The following BMERB1 variants were observed in gnomAD, a reference collection of about 807,000 sequenced individuals.
BMERB1 encodes the protein bMERB domain containing 1, also known as bMERB domain-containing protein 1.
Under a neutral mutation model 23.6 loss-of-function variants are expected in BMERB1, and 12 were observed. That is an observed-to-expected ratio of 0.51 (90% confidence interval 0.33 to 0.82). The LOEUF (loss-of-function observed/expected upper bound fraction) is 0.82, where lower values mean the gene tolerates loss of function less well. Ranked by LOEUF, BMERB1 falls within the 40% of genes least tolerant of loss-of-function variation. The pLI is 0.03. For missense variants in BMERB1, 247 were observed against 255.4 expected (o/e 0.97, Z 0.22); for synonymous variants, 122 against 96.6 (o/e 1.26, Z -1.54).
rs575509836 is a variant in BMERB1 at position 15,518,664 on chromosome 16, T to G, written c.230+3236T>G. Among the ~76,000 whole-genome samples the G allele has an allele frequency of 2.0e-5, 3 of 152,304 alleles. No individual in the cohort carries two copies. In the South Asian group the frequency reaches 6.2e-4, roughly 32 times the overall value. On this transcript the variant is annotated intron_variant, in intron 2 of 5. Transcript: ENST00000300006. Reference sequence around the variant, plus strand: ...TTATCCTGTGAGTGTGTCCTGTTCTTATCTCCATTTTGGATGGGAAGTAAT... The same window carrying G: ...TTATCCTGTGAGTGTGTCCTGTTCTGATCTCCATTTTGGATGGGAAGTAAT...
At chr16:15,450,804 A>G (rs2051035304) in intron 1 of BMERB1, among the ~76,000 whole-genome samples, 1 of 152,092 alleles carries the variant, frequency 6.6e-6, no homozygotes, top group South Asian at 2.1e-4. Flanking sequence ...GGGAGGAGAA[A>G]GTTCTGGCTG....
At chr16:15,453,288 C>A (rs770112864) in intron 1 of BMERB1, among the ~76,000 whole-genome samples, 1 of 152,112 alleles carries the variant, frequency 6.6e-6, no homozygotes, top group African/African-American at 2.4e-5. Flanking sequence ...TAAAAGAGGG[C>A]AAATGTCATT....
Position 15,549,973 on chromosome 16 carries a change from G to T in BMERB1, c.231-18010G>T, listed in dbSNP as rs1205524101. Among the ~76,000 whole-genome samples the T allele has an allele frequency of 4.7e-5, 7 of 148,798 alleles. No individual in the cohort carries two copies. The South Asian group carries it at 1.5e-3, about 32-fold the overall frequency. ...AAAAGCACGTTTTTTTTTTTGAGAT[G>T]CAGTCTTGCTCTGTCGCCCAGGCTG... On this transcript the variant is annotated intron_variant, in intron 2 of 5. Transcript: ENST00000300006.
chr16:15,457,046 G>A (rs541877206), intron 1 of BMERB1, among the ~76,000 whole-genome samples: 1 of 152,098 alleles, frequency 6.6e-6, no homozygotes, highest in Non-Finnish European at 1.5e-5. Context: ...GGCTGGTTTC[G>A]AACTCCTGAC....
intron 2 of BMERB1, among the ~76,000 whole-genome samples, chr16:15,532,438 C>T (rs1043939037): frequency 8.6e-5 from 13 of 151,890 alleles, no homozygotes; most frequent in Admixed American, 4.6e-4. Flanking sequence ...CCATATTGGC[C>T]GGGCTGGTCT....
intron 1 of BMERB1, among the ~76,000 whole-genome samples, chr16:15,442,333 A>G (rs1214019188): frequency 7.0e-6 from 1 of 143,464 alleles, no homozygotes; most frequent in East Asian, 2.0e-4. Flanking sequence ...CTGTCTCAAG[A>G]AAAAAAAAAA....
intron 3 of BMERB1, among the ~76,000 whole-genome samples, chr16:15,571,692 A>C (rs1343810000): frequency 1.3e-5 from 2 of 152,060 alleles, no homozygotes; most frequent in African/African-American, 4.8e-5. Flanking sequence ...AGATAGCTGC[A>C]AGATAGAAAG....
chr16:15,494,627 G>A (rs1372456208), intron 1 of BMERB1, among the ~76,000 whole-genome samples: 2 of 152,090 alleles, frequency 1.3e-5, no homozygotes, highest in African/African-American at 4.8e-5. Flanking sequence ...GCCTTAGACG[G>A]AGTTTGCTTT....
chr16:15,523,658 G>C (rs1399605561), intron 2 of BMERB1, among the ~76,000 whole-genome samples: 1 of 152,064 alleles, frequency 6.6e-6, no homozygotes, highest in Non-Finnish European at 1.5e-5. Flanking sequence ...TTTCAGCCTC[G>C]GCTTCCCCAT....
intron 1 of BMERB1, among the ~76,000 whole-genome samples, chr16:15,451,548 A>AT (rs2051041164): frequency 2.7e-5 from 3 of 109,736 alleles, no homozygotes; most frequent in Admixed American, 2.0e-4. Flanking sequence ...CACTCTTAGT[A>AT]TTTCTTTTTT....
At chr16:15,447,754 G>A (rs1250416751) in intron 1 of BMERB1, among the ~76,000 whole-genome samples, 3 of 152,306 alleles carry the variant, frequency 2.0e-5, no homozygotes, top group Admixed American at 6.5e-5. Flanking sequence ...AGGCGTGCAT[G>A]AGCTTCGCTG....
intron 2 of BMERB1, among the ~76,000 whole-genome samples, chr16:15,538,417 A>T (rs1452255804): frequency 6.6e-6 from 1 of 151,396 alleles, no homozygotes; most frequent in Non-Finnish European, 1.5e-5. Context: ...GTGCCAGTGC[A>T]CTCCAGCCTG....
intron 2 of BMERB1, 44 bp from the exon 3 acceptor site, chr16:15,567,939 C>A (rs2030620573): frequency 1.3e-6 from 2 of 1,570,412 alleles, no homozygotes; most frequent in Non-Finnish European, 1.7e-6. Flanking sequence ...GGGCGTAATG[C>A]TCTGCTGATG....
chr16:15,533,564 A>T (rs2051991141), intron 2 of BMERB1, among the ~76,000 whole-genome samples: 1 of 151,926 alleles, frequency 6.6e-6, no homozygotes, highest in African/African-American at 2.4e-5. Context: ...GGGGGGCTTG[A>T]GCCTCTCCTC....
chr16:15,502,168 T>C, intron 1 of BMERB1: 1 of 890,780 alleles, frequency 1.1e-6, no homozygotes, highest in Non-Finnish European at 1.8e-6. Context: ...TGGTGCGTCC[T>C]CCTGAATTAC....
At chr16:15,468,135 C>CTTTTTTTTTTTTTTTTTT (rs749534588) in intron 1 of BMERB1, among the ~76,000 whole-genome samples, 1 of 31,018 alleles carries the variant, frequency 3.2e-5, no homozygotes, top group African/African-American at 8.6e-5. Flanking sequence ...CTTTCTTCTT[C>CTTTTTTTTTTTTTTTTTT]TTTTTTTTTT....
chr16:15,550,663 C>T (rs1470995216), intron 2 of BMERB1, among the ~76,000 whole-genome samples: 1 of 152,114 alleles, frequency 6.6e-6, no homozygotes, highest in East Asian at 1.9e-4. Flanking sequence ...AGGCTCCTGA[C>T]TGAAAGAACG....
chr16:15,498,654 G>A (rs1216967206), intron 1 of BMERB1, among the ~76,000 whole-genome samples: 1 of 151,428 alleles, frequency 6.6e-6, no homozygotes, highest in Non-Finnish European at 1.5e-5. Flanking sequence ...GGAAGGAAGG[G>A]AAGATGGAAC....
chr16:15,519,454 G>A (rs1005123250), intron 2 of BMERB1, among the ~76,000 whole-genome samples: 1 of 152,058 alleles, frequency 6.6e-6, no homozygotes, highest in Non-Finnish European at 1.5e-5. Flanking sequence ...GCAGTGGTGC[G>A]ATCTCGGCTC....
Sources: allele counts gnomAD v4.1 joint callset (sites outside exome capture counted in the v4.1 genomes callset), GRCh38; gene constraint gnomAD v4.1.1; transcripts MANE v1.5; gene names NCBI Gene and HGNC (gene_info 2026-07-23, HGNC 2026-07-21).